SPATS1: variants seen among roughly 807,000 people sequenced by gnomAD.
SPATS1 encodes spermatogenesis associated serine rich 1.
Under a neutral mutation model 33.6 loss-of-function variants are expected in SPATS1, and 23 were observed. The ratio of observed to expected loss-of-function variants is 0.68; its 90% CI spans 0.49 to 0.97. The LOEUF is 0.97. Ranked by LOEUF, SPATS1 falls within the 50% of genes least tolerant of loss-of-function variation. The pLI is 0.00. For synonymous variants in SPATS1, 131 were observed against 125.6 expected (o/e 1.04, Z -0.29); for missense variants, 327 against 361.0 (o/e 0.91, Z 0.76).
intron 2 of SPATS1, among the ~76,000 whole-genome samples, chr6:44,350,252 G>C (rs1214610227): frequency 6.6e-6 from 1 of 152,184 alleles, no homozygotes; most frequent in African/African-American, 2.4e-5. Flanking sequence ...CTCGTGACTG[G>C]GCAAATTCAG....
intron 3 of SPATS1, among the ~76,000 whole-genome samples, chr6:44,356,757 C>T (rs1788613480): frequency 6.6e-6 from 1 of 152,216 alleles, no homozygotes; most frequent in African/African-American, 2.4e-5. Flanking sequence ...GCACATAAGA[C>T]AAAGCCACAG....
chr6:44,370,236 G>A lies in SPATS1; in HGVS notation c.758+123G>A, dbSNP rs943584724. 6.0e-6 allele frequency: 5 copies of A among 833,016 alleles called. No individual in the cohort carries two copies. In the African/African-American group the frequency reaches 8.5e-5, roughly 14 times the overall value. The allele number at this position is 833,016 out of a possible 1,614,324, so 51.6% of individuals were successfully genotyped here. ...ACAGGGCCCTTTTGAATCCCAGCAG[G>A]AGGGTGGGGCAGTTTGTAAGGAAGG... is the stretch of plus-strand genomic sequence containing the variant. On this transcript the variant is annotated intron_variant, in intron 7 of 8. Transcript: ENST00000674044.
chr6:44,376,961 G>A, intron 8 of SPATS1, 74 bp from the exon 9 acceptor site: 1 of 1,555,814 alleles, frequency 6.4e-7, no homozygotes, highest in Admixed American at 1.7e-5. Context: ...AAGCATTGGG[G>A]GTCGAGTGTA....
intron 2 of SPATS1, among the ~76,000 whole-genome samples, chr6:44,345,090 G>A (rs1787795043): frequency 6.6e-6 from 1 of 152,036 alleles, no homozygotes; most frequent in Non-Finnish European, 1.5e-5. Flanking sequence ...GGGAGCATCA[G>A]TATTAGTATT....
chr6:44,345,884 A>T (rs181374434), intron 2 of SPATS1, among the ~76,000 whole-genome samples: 2 of 152,352 alleles, frequency 1.3e-5, no homozygotes, highest in African/African-American at 4.8e-5. Context: ...AGATGGGGAC[A>T]TTCCCACCAG....
chr6:44,356,977 C>T (rs1333756061), intron 3 of SPATS1, among the ~76,000 whole-genome samples: 2 of 152,190 alleles, frequency 1.3e-5, no homozygotes, highest in African/African-American at 4.8e-5. Context: ...TTTATATTCT[C>T]AAAGCCCATT....
intron 3 of SPATS1, among the ~76,000 whole-genome samples, chr6:44,356,398 C>A (rs1788590031): frequency 6.6e-6 from 1 of 152,220 alleles, no homozygotes; most frequent in African/African-American, 2.4e-5. Flanking sequence ...CACAACTAAT[C>A]ACCCTAACTT....
intron 4 of SPATS1, chr6:44,361,579 T>C: frequency 1.0e-6 from 1 of 974,050 alleles, no homozygotes; most frequent in Non-Finnish European, 1.2e-6. Context: ...GGCTTTATTT[T>C]TGAAGGAGAG....
intron 6 of SPATS1, among the ~76,000 whole-genome samples, chr6:44,369,528 C>T (rs1480907447): frequency 6.7e-5 from 10 of 149,110 alleles, no homozygotes; most frequent in Non-Finnish European, 1.2e-4. Flanking sequence ...CTAGCCTGGG[C>T]GACAGAGTTA....
At chr6:44,358,911 TA>T (rs1193840764) in intron 3 of SPATS1, among the ~76,000 whole-genome samples, 1 of 152,216 alleles carries the variant, frequency 6.6e-6, no homozygotes, top group Non-Finnish European at 1.5e-5. Flanking sequence ...AAAATTGTAG[TA>T]AAATATATAT....
chr6:44,343,086 A>C lies in SPATS1; in HGVS notation c.1-10A>C. ...GTTGCTTCTAATATTTAAAATCATC[A>C]TGGGCACAGATGAGTCCATCCATGC... On this transcript the variant is annotated splice_polypyrimidine_tract_variant and intron_variant, in intron 1 of 8. Coordinates refer to ENST00000674044, the MANE Select transcript of SPATS1 (RefSeq NM_001372081.1). 2 of 1,613,710 alleles carry C rather than the reference A, an allele frequency of 1.2e-6. No individual in the cohort carries two copies. The highest frequency in any genetic ancestry group is 2.7e-5 in the African/African-American group (2 of 75,010).
At position 44,353,071 on chromosome 6, in the gene SPATS1, CTT is replaced by C. The variant is rs1788338333; in HGVS notation, c.287+199_287+200del. ...CTTCACCTCCCTGGGCTTCAGTGTT[CTT>C]ATCTGTAAAATGCTGATGATAGCTT... is the stretch of plus-strand genomic sequence containing the variant. On this transcript the variant is annotated intron_variant, in intron 3 of 8. Transcript: ENST00000674044. 3.3e-5 allele frequency among the ~76,000 whole-genome samples: 5 copies of C among 152,280 alleles called. No individual in the cohort carries two copies. In the South Asian group the frequency reaches 8.3e-4, roughly 25 times the overall value.
At chr6:44,368,601 A>G (rs1162195739) in intron 6 of SPATS1, 102 bp downstream of exon 6, 3 of 1,090,582 alleles carry the variant, frequency 2.8e-6, no homozygotes, top group Non-Finnish European at 3.8e-6. Context: ...TGTCAACAAG[A>G]TGTGATTGGA....
chr6:44,377,780 G>T lies in SPATS1; in HGVS notation c.*717G>T, dbSNP rs1790037275. ...GCTGTGTCCTCATATGATAGAAAGGGTGAGCTAGTCCTCTGGGGTCTCTTT... is the reference window on the plus strand; with the variant it reads ...GCTGTGTCCTCATATGATAGAAAGGTTGAGCTAGTCCTCTGGGGTCTCTTT... On this transcript the variant is annotated 3_prime_UTR_variant, in exon 9 of 9. Coordinates refer to ENST00000674044, the MANE Select transcript of SPATS1 (RefSeq NM_001372081.1). 1 of 152,506 alleles carries T rather than the reference G, an allele frequency of 6.6e-6. No homozygotes were observed. 9.4% of individuals were successfully genotyped at this position (152,506 alleles called of 1,614,324 possible).
intron 3 of SPATS1, among the ~76,000 whole-genome samples, chr6:44,359,925 T>C (rs1788807708): frequency 6.6e-6 from 1 of 152,322 alleles, no homozygotes; most frequent in Middle Eastern, 3.4e-3. Flanking sequence ...ATGTACCACA[T>C]TTTGCTTATC....
chr6:44,347,312 G>A (rs1787953569), intron 2 of SPATS1, among the ~76,000 whole-genome samples: 1 of 152,074 alleles, frequency 6.6e-6, no homozygotes, highest in South Asian at 2.1e-4. Context: ...ACCGTGGCAT[G>A]TGTATAACTA....
At chr6:44,361,550 A>T (rs1788921545) in intron 4 of SPATS1, 1 of 983,788 alleles carries the variant, frequency 1.0e-6, no homozygotes, top group African/African-American at 1.7e-5. Context: ...ATCAATACTT[A>T]ACTTCCAAAC....
chr6:44,360,685 T>C, intron 4 of SPATS1, 115 bp downstream of exon 4: 2 of 1,292,434 alleles, frequency 1.5e-6, no homozygotes, highest in African/African-American at 1.5e-5. Context: ...TGATGTACTT[T>C]ATCTCAAAAT....
chr6:44,348,061 C>T (rs1477332172), intron 2 of SPATS1, among the ~76,000 whole-genome samples: 2 of 150,544 alleles, frequency 1.3e-5, no homozygotes, highest in African/African-American at 4.9e-5. Context: ...GGCTGTAGTG[C>T]AGTGTGGCAT....
Sources: gnomAD v4.1 joint callset for allele counts (sites outside exome capture counted in the v4.1 genomes callset) on GRCh38, gnomAD v4.1.1 for gene constraint, MANE v1.5 for transcripts, NCBI Gene and HGNC (gene_info 2026-07-23, HGNC 2026-07-21) for gene names.